The following CTTNBP2 variants were observed in gnomAD, a reference collection of about 807,000 sequenced individuals.
CTTNBP2 encodes the protein cortactin binding protein 2.
A neutral mutation model predicts 156.9 loss-of-function variants in CTTNBP2; 108 were observed. That is an observed-to-expected ratio of 0.69 (90% CI 0.59 to 0.81). The LOEUF (loss-of-function observed/expected upper bound fraction) is 0.81, where lower values mean the gene tolerates loss of function less well. Ranked by LOEUF, CTTNBP2 falls within the 30% of genes least tolerant of loss-of-function variation. The pLI is 0.00. For synonymous variants in CTTNBP2, 767 were observed against 751.8 expected, an observed-to-expected ratio of 1.02 and a Z score of -0.33; for missense variants, 1,924 against 2,035.4, an observed-to-expected ratio of 0.95 and a Z score of 1.05.
chr7:117,819,184 A>G (rs1800794662), intron 2 of CTTNBP2, among the ~76,000 whole-genome samples: 1 of 152,196 alleles, frequency 6.6e-6, no homozygotes. Context: ...ACATTAAATA[A>G]CACTAAAATT....
At chr7:117,766,214 C>T (rs900797033) in intron 9 of CTTNBP2, among the ~76,000 whole-genome samples, 3 of 152,044 alleles carry the variant, frequency 2.0e-5, no homozygotes, top group Non-Finnish European at 2.9e-5. Context: ...CACTGAGCAG[C>T]GATTCAAAAG....
chr7:117,725,323 GA>G, intron 17 of CTTNBP2, 66 bp from the exon 18 acceptor site: 1 of 1,417,664 alleles, frequency 7.1e-7, no homozygotes, highest in African/African-American at 1.4e-5. Flanking sequence ...ACAATTCCGT[GA>G]AAGGACAGTT....
chr7:117,741,616 A>T (rs763665029), intron 14 of CTTNBP2, among the ~76,000 whole-genome samples: 1 of 152,340 alleles, frequency 6.6e-6, no homozygotes, highest in East Asian at 1.9e-4. Flanking sequence ...AGGGTATAGA[A>T]GGATTTTTAT....
chr7:117,723,834 C>G (rs1401676811), intron 19 of CTTNBP2, among the ~76,000 whole-genome samples: 1 of 149,000 alleles, frequency 6.7e-6, no homozygotes, highest in Non-Finnish European at 1.5e-5. Context: ...CTCACTGCAA[C>G]CTCTGTGTCG....
At chr7:117,733,692 A>T (rs1378720914) in intron 16 of CTTNBP2, among the ~76,000 whole-genome samples, 1 of 152,204 alleles carries the variant, frequency 6.6e-6, no homozygotes, top group Non-Finnish European at 1.5e-5. Context: ...TCATTAAATT[A>T]GGAATTTCAG....
At chr7:117,746,128 G>A (rs1177020755) in intron 12 of CTTNBP2, 29 bp from the exon 13 acceptor site, 21 of 1,504,226 alleles carry the variant, frequency 1.4e-5, no homozygotes, top group Non-Finnish European at 1.9e-5. Context: ...GAGAGCTAGG[G>A]TGAAGATGCT....
At chr7:117,842,120 A>C (rs1272950334) in intron 2 of CTTNBP2, among the ~76,000 whole-genome samples, 7 of 152,186 alleles carry the variant, frequency 4.6e-5, no homozygotes, top group Non-Finnish European at 7.3e-5. Context: ...TAGGTTAATA[A>C]TAGAGGAAAC....
In CTTNBP2 at chr7:117,728,212, G is replaced by A. The variant is rs766367379; in HGVS notation, c.3932C>T (p.Ala1311Val). Residue 1311 changes from alanine (A) to valine (V), a missense_variant, in exon 17 of 23, where the codon GCT (alanine) becomes GTT (valine). Coordinates refer to ENST00000160373, the MANE Select transcript of CTTNBP2 (RefSeq NM_033427.3). The stretch of plus-strand genomic sequence containing the variant: ...GTTAAGCTGACGCCAGACGGACAGA[G>A]CCCAGTCGACAATCTTGCACACAGG... ...CDPVCKIVDWALSVWRQLNSC... is the reference protein window; with the variant it reads ...CDPVCKIVDWVLSVWRQLNSC... 1.9e-6 allele frequency: 3 copies of A among 1,614,052 alleles called. No homozygotes were observed. Among genetic ancestry groups the A allele is most frequent in the Non-Finnish European group, 2.5e-6 (3 of 1,180,012 alleles).
chr7:117,857,539 A>T (rs1304604754), intron 2 of CTTNBP2, among the ~76,000 whole-genome samples: 1 of 152,230 alleles, frequency 6.6e-6, no homozygotes, highest in Non-Finnish European at 1.5e-5. Context: ...TCTGAAATAT[A>T]TGTTTAAAGA....
chr7:117,833,810 T>C (rs1801766260), intron 2 of CTTNBP2, among the ~76,000 whole-genome samples: 1 of 152,206 alleles, frequency 6.6e-6, no homozygotes, highest in South Asian at 2.1e-4. Context: ...ATTCTTCAAT[T>C]AGTTTAAGTG....
At chr7:117,809,392 A>C (rs1464588823) in intron 3 of CTTNBP2, among the ~76,000 whole-genome samples, 1 of 152,238 alleles carries the variant, frequency 6.6e-6, no homozygotes, top group Non-Finnish European at 1.5e-5. Context: ...ATTTATTATG[A>C]AATAACTCAT....
intron 2 of CTTNBP2, among the ~76,000 whole-genome samples, chr7:117,853,557 GC>G (rs1188552414): frequency 1.3e-5 from 2 of 152,076 alleles, no homozygotes; most frequent in Non-Finnish European, 2.9e-5. Context: ...TAATCAGAAT[GC>G]CTCAAAGGAA....
intron 3 of CTTNBP2, among the ~76,000 whole-genome samples, chr7:117,796,947 A>G (rs897888912): frequency 1.3e-5 from 2 of 152,238 alleles, no homozygotes; most frequent in Admixed American, 6.5e-5. Context: ...CATATAAAAC[A>G]TAGTGATTTA....
In CTTNBP2 at chr7:117,791,799, G is replaced by T. The variant is rs754001382; in HGVS notation, c.1397C>A (p.Thr466Asn). The change falls in exon 4 of 23, where the codon ACC becomes AAC. Residue 466 changes from threonine (T) to asparagine (N), a missense_variant. Thr to Asn is a moderately conservative substitution (Grantham distance 65). Coordinates refer to ENST00000160373, the MANE Select transcript of CTTNBP2 (RefSeq NM_033427.3). ...ANDPDQNGNT[T>N]QSPPSRDVSP... is the part of the protein sequence containing the mutation. ...GACATCTCTTGACGGAGGACTTTGG[G>T]TAGTATTTCCATTTTGGTCTGGGTC... The T allele has an allele frequency of 6.2e-7, 1 of 1,614,070 alleles. No homozygotes were observed. Among genetic ancestry groups the T allele is most frequent in the Non-Finnish European group, 8.5e-7 (1 of 1,180,042 alleles).
chr7:117,734,429 T>C (rs944440788), intron 16 of CTTNBP2, among the ~76,000 whole-genome samples: 25 of 152,352 alleles, frequency 1.6e-4, no homozygotes, highest in Middle Eastern at 6.8e-3. Flanking sequence ...TGGGAGAATA[T>C]AGAATACTTA....
chr7:117,852,500 T>C (rs749373932), intron 2 of CTTNBP2, among the ~76,000 whole-genome samples: 6 of 152,168 alleles, frequency 3.9e-5, no homozygotes, highest in Non-Finnish European at 7.4e-5. Context: ...CATTCTCAAG[T>C]GCACCAGCAT....
intron 7 of CTTNBP2, among the ~76,000 whole-genome samples, chr7:117,778,202 C>T (rs764787793): frequency 9.2e-5 from 14 of 152,038 alleles, no homozygotes; most frequent in Admixed American, 6.6e-4. Flanking sequence ...AAGGCACTGA[C>T]CTAACTCTGT....
intron 14 of CTTNBP2, among the ~76,000 whole-genome samples, chr7:117,736,219 C>G (rs1469775960): frequency 2.6e-5 from 4 of 152,062 alleles, no homozygotes; most frequent in Non-Finnish European, 5.9e-5. Context: ...CTTTGGGAGG[C>G]CAGGGTGGGC....
chr7:117,832,460 CTAA>C (rs1801667654), intron 2 of CTTNBP2, among the ~76,000 whole-genome samples: 1 of 152,136 alleles, frequency 6.6e-6, no homozygotes, highest in Non-Finnish European at 1.5e-5. Flanking sequence ...TCTCCAATAC[CTAA>C]TAATACTACA....
Sources: allele counts gnomAD v4.1 joint callset (sites outside exome capture counted in the v4.1 genomes callset), GRCh38; gene constraint gnomAD v4.1.1; transcripts MANE v1.5; gene names NCBI Gene and HGNC (gene_info 2026-07-23, HGNC 2026-07-21).